Variants in EHD1 observed in about 807,000 individuals in gnomAD.
EHD1 encodes EH domain-containing protein 1.
A neutral mutation model predicts 39.0 loss-of-function variants in EHD1; 19 were observed. The ratio of observed to expected loss-of-function variants is 0.49; its 90% CI spans 0.34 to 0.72. The LOEUF (loss-of-function observed/expected upper bound fraction) is 0.72. Ranked by LOEUF, EHD1 falls within the 30% of genes least tolerant of loss-of-function variation. EHD1 has a pLI of 0.01. For missense variants in EHD1, 542 were observed against 751.5 expected, an observed-to-expected ratio of 0.72 and a Z score of 3.26; for synonymous variants, 323 against 331.2, an observed-to-expected ratio of 0.98 and a Z score of 0.27.
intron 3 of EHD1, among the ~76,000 whole-genome samples, chr11:64,859,071 T>C (rs1943685255): frequency 6.6e-6 from 1 of 152,194 alleles, no homozygotes; most frequent in Non-Finnish European, 1.5e-5. Flanking sequence ...GGACAGCCCC[T>C]AGCGCCAGCT....
chr11:64,875,785 G>T (rs1438853977), intron 1 of EHD1: 1 of 152,230 alleles, frequency 6.6e-6, no homozygotes, highest in East Asian at 1.9e-4. Flanking sequence ...CAGCTGACCT[G>T]CAGGGCGAGC....
At chr11:64,878,690 G>T (rs1286060599), upstream of EHD1, 1 of 1,356,202 alleles carries the variant, frequency 7.4e-7, no homozygotes, top group African/African-American at 1.5e-5. Context: ...CCGCCGCGGC[G>T]GGGGCAGGGC....
chr11:64,876,984 C>T lies in EHD1; in HGVS notation c.404+1077G>A, dbSNP rs941823446. Among the ~76,000 whole-genome samples, 40 of 152,190 alleles carry T rather than the reference C, an allele frequency of 2.6e-4. 1 individual carries two copies. Among genetic ancestry groups the T allele is most frequent in the African/African-American group, 8.9e-4 (37 of 41,446 alleles). On this transcript the variant is annotated intron_variant, in intron 1 of 4. Coordinates refer to ENST00000320631, the MANE Select transcript of EHD1 (RefSeq NM_006795.4). ...TGGCTCTAGGGCAAGCTGCCCTGCA[C>T]AGCTGGATGGCGTCTGGAAAGGAAT...
At chr11:64,876,356 C>T (rs2136503714) in intron 1 of EHD1, among the ~76,000 whole-genome samples, 1 of 152,350 alleles carries the variant, frequency 6.6e-6, no homozygotes, top group South Asian at 2.1e-4. Context: ...CACATCCTGG[C>T]ACAGCTCTGG....
chr11:64,872,471 A>T (rs1943840527), intron 2 of EHD1, among the ~76,000 whole-genome samples: 1 of 152,206 alleles, frequency 6.6e-6, no homozygotes, highest in Non-Finnish European at 1.5e-5. Flanking sequence ...AAAAAAATAA[A>T]AGAGTAACTT....
chr11:64,856,314 C>G (rs1943653036), intron 3 of EHD1: 2 of 152,674 alleles, frequency 1.3e-5, no homozygotes, highest in South Asian at 4.0e-4. Context: ...CGATGGAGCC[C>G]ACAGAACTCC....
upstream of EHD1, chr11:64,878,661 C>A: frequency 1.5e-6 from 2 of 1,369,846 alleles, no homozygotes; most frequent in East Asian, 5.8e-5. Context: ...TAGGGTCGGT[C>A]CCTCAGTGGC....
rs1417242489 is a variant in EHD1 at position 64,852,323 on chromosome 11, CA to C, written c.*2009del. 6.6e-6 allele frequency: 1 copy of C among 152,170 alleles called. No individual in the cohort carries two copies. The highest frequency in any genetic ancestry group is 1.5e-5 in the Non-Finnish European group (1 of 68,040). The allele number at this position is 152,170 out of a possible 1,614,324, so 9.4% of individuals were successfully genotyped here. A position where few individuals can be genotyped will look rare whatever the true frequency, so the allele number is the denominator to read the frequency against. On this transcript the variant is annotated 3_prime_UTR_variant, in exon 5 of 5. Coordinates refer to ENST00000320631, the MANE Select transcript of EHD1 (RefSeq NM_006795.4). ...GTACTTAAACCGTCCTTGGGGCTAG[CA>C]AGGAGCCAGTCTGGCTCCAAAGCCC... is the stretch of plus-strand genomic sequence containing the variant.
chr11:64,870,718 C>T (rs1010089644), intron 2 of EHD1, among the ~76,000 whole-genome samples: 10 of 152,314 alleles, frequency 6.6e-5, no homozygotes, highest in South Asian at 2.1e-4. Context: ...GAGGCACTGC[C>T]GGGACCACGC....
At chr11:64,879,591 C>G, upstream of EHD1, 1 of 1,551,076 alleles carries the variant, frequency 6.4e-7, no homozygotes, top group Non-Finnish European at 8.7e-7. Flanking sequence ...TTACTGGGAT[C>G]TGTGCCCTAC....
chr11:64,878,962 C>T (rs1316130145), upstream of EHD1: 17 of 1,004,320 alleles, frequency 1.7e-5, no homozygotes, highest in African/African-American at 8.7e-5. Flanking sequence ...CCCACACCCC[C>T]GCGGGATGGC....
In EHD1 at chr11:64,878,111, C is replaced by T. The variant is rs964547776; in HGVS notation, c.354G>A (p.Pro118=). ...CGTTGAGCTTGCGGAAGGGGCGCCG[C>T]GGGTCCACCACGAGCGCGTTGCCCG... ...VVPGNALVVD[P]RRPFRKLNAF... The change falls in exon 1 of 5, where the codon CCG becomes CCA. Residue 118 remains proline (P), a synonymous_variant. Transcript: ENST00000320631. 8 of 1,549,626 alleles carry T rather than the reference C, an allele frequency of 5.2e-6. No individual in the cohort carries two copies. Among genetic ancestry groups the T allele is most frequent in the Non-Finnish European group, 7.0e-6 (8 of 1,146,304 alleles).
intron 2 of EHD1, among the ~76,000 whole-genome samples, chr11:64,860,565 T>A (rs1943704784): frequency 6.6e-6 from 1 of 151,412 alleles, no homozygotes; most frequent in Non-Finnish European, 1.5e-5. Flanking sequence ...AAACCCTGTC[T>A]CCACTAAAAA....
intron 3 of EHD1, among the ~76,000 whole-genome samples, chr11:64,856,876 C>T (rs1323254041): frequency 6.6e-6 from 1 of 152,200 alleles, no homozygotes; most frequent in Non-Finnish European, 1.5e-5. Context: ...GCCTGGCAGT[C>T]ACACATGGTC....
Position 64,868,375 on chromosome 11 carries a change from G to A in EHD1, c.502+6046C>T, listed in dbSNP as rs189537593. Among the ~76,000 whole-genome samples, 9 of 152,164 alleles carry A rather than the reference G, an allele frequency of 5.9e-5. No homozygotes were observed. The highest frequency in any genetic ancestry group is 3.9e-4 in the East Asian group (2 of 5,186). ...TTACCTGAGAGCAGCAGCAGCACAC[G>A]CCCACACGAACCACGTACTTGACTC... On this transcript the variant is annotated intron_variant, in intron 2 of 4. Transcript: ENST00000320631. The surrounding 1 kb of genome is among the most constrained non-coding windows in gnomAD (Gnocchi z 4.2).
intron 2 of EHD1, among the ~76,000 whole-genome samples, chr11:64,871,695 A>G (rs553776903): frequency 6.6e-6 from 1 of 152,296 alleles, no homozygotes; most frequent in African/African-American, 2.4e-5. Flanking sequence ...CTTCCTGCCC[A>G]TAATGGGTAG....
chr11:64,878,652 A>C (rs1336378289), upstream of EHD1: 31 of 1,357,804 alleles, frequency 2.3e-5, no homozygotes, highest in Admixed American at 1.4e-4. Context: ...CGGCCTTTAT[A>C]GGGTCGGTCC....
rs2136471136 is a variant in EHD1 at position 64,853,976 on chromosome 11, T to TG, written c.*356dup. ...CCTAGCAGCTGCCAAAAGGGCGACC[T>TG]GGCTCCCCCACGGTCGCAGTCGCTG... On this transcript the variant is annotated 3_prime_UTR_variant, in exon 5 of 5. Transcript: ENST00000320631. The TG allele has an allele frequency of 3.4e-6, 1 of 295,458 alleles. No homozygotes were observed. The highest frequency in any genetic ancestry group is 4.7e-5 in the South Asian group (1 of 21,220). 18.3% of individuals were successfully genotyped at this position (295,458 alleles called of 1,614,324 possible).
upstream of EHD1, chr11:64,879,546 A>G (rs1943930544): frequency 1.3e-6 from 2 of 1,543,722 alleles, no homozygotes; most frequent in African/African-American, 1.4e-5. Context: ...AAATACTTCC[A>G]CTTTCCTCTC....
Sources: allele counts gnomAD v4.1 joint callset (sites outside exome capture counted in the v4.1 genomes callset), GRCh38; gene constraint gnomAD v4.1.1; non-coding constraint Gnocchi (gnomAD v3.1); transcripts MANE v1.5; gene names NCBI Gene and HGNC (gene_info 2026-07-23, HGNC 2026-07-21).